Variants in SETD2 observed in about 807,000 individuals in gnomAD.
The protein encoded by SETD2 is SET domain containing 2, histone lysine methyltransferase, also known as histone-lysine N-methyltransferase SETD2.
Under a neutral mutation model 242.1 loss-of-function variants are expected in SETD2, and 31 were observed. The ratio of observed to expected loss-of-function variants is 0.13; its 90% CI spans 0.10 to 0.17. The LOEUF (loss-of-function observed/expected upper bound fraction) is 0.17, where lower values mean the gene tolerates loss of function less well. Among genes scored for constraint, SETD2 ranks in the 10% least tolerant of loss-of-function variants. The pLI, the probability that SETD2 is intolerant of heterozygous loss-of-function variation, is 1.00. For synonymous variants in SETD2, 1,006 were observed against 1,066.5 expected (o/e 0.94, Z 1.11); for missense variants, 2,481 against 3,046.3 (o/e 0.81, Z 4.37).
intron 18 of SETD2, among the ~76,000 whole-genome samples, chr3:47,023,266 G>A (rs142946289): frequency 3.2e-3 from 489 of 152,180 alleles, no homozygotes; most frequent in African/African-American, 0.011. Flanking sequence ...CAGGCGCGGC[G>A]GCGTGCACCT....
chr3:47,094,690 G>A (rs1228259383), intron 9 of SETD2, among the ~76,000 whole-genome samples: 1 of 152,228 alleles, frequency 6.6e-6, no homozygotes, highest in African/African-American at 2.4e-5. Flanking sequence ...CTGCATTAGA[G>A]TCAAGGGCAA....
At chr3:47,133,796 ATCT>A (rs1190975766) in intron 1 of SETD2, among the ~76,000 whole-genome samples, 1 of 152,082 alleles carries the variant, frequency 6.6e-6, no homozygotes, top group Non-Finnish European at 1.5e-5. Context: ...ATTACCTCAA[ATCT>A]TCCTAAATTT....
chr3:47,080,281 T>C (rs529937470), intron 12 of SETD2, among the ~76,000 whole-genome samples: 1 of 152,202 alleles, frequency 6.6e-6, no homozygotes, highest in Non-Finnish European at 1.5e-5. Context: ...ACTTATCACA[T>C]GTAGGTAATT....
At chr3:47,110,528 G>A (rs1575791710) in intron 5 of SETD2, among the ~76,000 whole-genome samples, 1 of 152,132 alleles carries the variant, frequency 6.6e-6, no homozygotes, top group Admixed American at 6.5e-5. Context: ...AACTACAGGG[G>A]TTTTGGTAAT....
At chr3:47,159,005 T>A (rs1175857653) in intron 1 of SETD2, among the ~76,000 whole-genome samples, 1 of 152,118 alleles carries the variant, frequency 6.6e-6, no homozygotes, top group Non-Finnish European at 1.5e-5. Context: ...AAGCCAAGTG[T>A]GGTGGTACAC....
intron 1 of SETD2, among the ~76,000 whole-genome samples, chr3:47,130,595 G>GAAGA (rs2043454374): frequency 6.6e-6 from 1 of 152,138 alleles, no homozygotes; most frequent in Non-Finnish European, 1.5e-5. Context: ...CAAGAGCAAA[G>GAAGA]AAGAGAGTTT....
chr3:47,125,727 T>C (rs2043305307), intron 2 of SETD2, among the ~76,000 whole-genome samples: 1 of 152,228 alleles, frequency 6.6e-6, no homozygotes, highest in African/African-American at 2.4e-5. Context: ...ACTACTTTTC[T>C]TCCATGTTTG....
At chr3:47,090,288 G>A (rs2041744150) in intron 9 of SETD2, among the ~76,000 whole-genome samples, 1 of 151,940 alleles carries the variant, frequency 6.6e-6, no homozygotes, top group South Asian at 2.1e-4. Flanking sequence ...ACTGGTGTTA[G>A]ATTAGAAGAT....
intron 12 of SETD2, among the ~76,000 whole-genome samples, chr3:47,068,322 T>C (rs1452591919): frequency 3.3e-5 from 5 of 152,118 alleles, no homozygotes; most frequent in African/African-American, 2.4e-5. Context: ...TCAGTTGCCA[T>C]TAAAAAGGAT....
chr3:47,030,605 A>C (rs2038720343), intron 18 of SETD2, among the ~76,000 whole-genome samples: 1 of 152,250 alleles, frequency 6.6e-6, no homozygotes, highest in African/African-American at 2.4e-5. Flanking sequence ...CAAAGAAAAC[A>C]AAACCAAGGT....
At chr3:47,030,841 T>C (rs548236908) in intron 18 of SETD2, among the ~76,000 whole-genome samples, 5 of 152,308 alleles carry the variant, frequency 3.3e-5, no homozygotes, top group Non-Finnish European at 7.3e-5. Context: ...TGCCAAAAGT[T>C]GGAAGCAACC....
intron 14 of SETD2, among the ~76,000 whole-genome samples, chr3:47,061,279 A>C (rs1249620487): frequency 6.6e-6 from 1 of 152,236 alleles, no homozygotes; most frequent in Non-Finnish European, 1.5e-5. Context: ...TATAGTAACC[A>C]AAACAACATG....
At chr3:47,164,311 C>T (rs1413092041), upstream of SETD2, among the ~76,000 whole-genome samples, 1 of 152,138 alleles carries the variant, frequency 6.6e-6, no homozygotes, top group Non-Finnish European at 1.5e-5. This position sits in a 1 kb window ranked among gnomAD's most constrained non-coding sequence, Gnocchi z 5.4. Context: ...GCCTGTGGCT[C>T]TCCGGAACAA....
chr3:47,108,581 C>T (rs1201660188), intron 5 of SETD2, among the ~76,000 whole-genome samples: 1 of 152,168 alleles, frequency 6.6e-6, no homozygotes, highest in African/African-American at 2.4e-5. Flanking sequence ...ACTCTCAAAT[C>T]ACCTTATTTA....
At chr3:47,124,901 T>C (rs1470928924) in intron 2 of SETD2, among the ~76,000 whole-genome samples, 1 of 152,198 alleles carries the variant, frequency 6.6e-6, no homozygotes, top group Non-Finnish European at 1.5e-5. Context: ...AAGACATTTG[T>C]ATAAAGGGCA....
chr3:47,100,352 C>T (rs2042162463), intron 8 of SETD2, among the ~76,000 whole-genome samples: 1 of 151,344 alleles, frequency 6.6e-6, no homozygotes, highest in Non-Finnish European at 1.5e-5. Flanking sequence ...CCTCCGCCTC[C>T]CAGGTTCAAG....
At chr3:47,106,244 A>G in intron 5 of SETD2, 124 bp from the exon 6 acceptor site, 1 of 855,636 alleles carries the variant, frequency 1.2e-6, no homozygotes, top group Non-Finnish European at 1.7e-6. Context: ...GTTATTACAC[A>G]AAATAAATTT....
rs1368468789 is a variant in SETD2, at chr3:47,122,881, A to C, written c.1755T>G (p.Ser585=). ...AAGGTGTCTGTAAACTAAAAGAATGAGACTGTTTGATTTCTTCATTTAATT... is the reference window on the plus strand; with the variant it reads ...AAGGTGTCTGTAAACTAAAAGAATGCGACTGTTTGATTTCTTCATTTAATT... ...CTELNEEIKQ[S]HSFSLQTPCS... The change falls in exon 3 of 21, where the codon TCT becomes TCG. Residue 585 remains serine (S), a synonymous_variant. Transcript: ENST00000409792. 10 of 1,610,232 alleles carry C rather than the reference A, an allele frequency of 6.2e-6. No homozygotes were observed. Among genetic ancestry groups the C allele is most frequent in the Non-Finnish European group, 8.5e-6 (10 of 1,178,246 alleles).
chr3:47,099,811 C>A (rs1430185696), intron 8 of SETD2, among the ~76,000 whole-genome samples: 1 of 152,052 alleles, frequency 6.6e-6, no homozygotes, highest in East Asian at 1.9e-4. Flanking sequence ...CAAAGAAAAA[C>A]TTCTTCTCAT....
Sources: gnomAD v4.1 joint callset for allele counts (sites outside exome capture counted in the v4.1 genomes callset) on GRCh38, gnomAD v4.1.1 for gene constraint, Gnocchi (gnomAD v3.1) non-coding constraint, MANE v1.5 for transcripts, NCBI Gene and HGNC (gene_info 2026-07-23, HGNC 2026-07-21) for gene names.